The following GALNT17 variants were observed in gnomAD, a reference collection of about 807,000 sequenced individuals.
GALNT17 encodes polypeptide N-acetylgalactosaminyltransferase 17.
In GALNT17, 29 loss-of-function variants were observed where a neutral mutation model predicts 63.7. The observed-to-expected ratio is 0.46, with a 90% CI of 0.34 to 0.62. The LOEUF (loss-of-function observed/expected upper bound fraction) is 0.62, where lower values mean the gene tolerates loss of function less well. Among genes scored for constraint, GALNT17 ranks in the 20% least tolerant of loss-of-function variants. The pLI, the probability that GALNT17 is intolerant of heterozygous loss-of-function variation, is 0.01. For missense variants in GALNT17, 603 were observed against 799.6 expected, an observed-to-expected ratio of 0.75 and a Z score of 2.97; for synonymous variants, 305 against 318.3, an observed-to-expected ratio of 0.96 and a Z score of 0.45.
intron 6 of GALNT17, among the ~76,000 whole-genome samples, chr7:71,624,611 G>A (rs961245827): frequency 1.3e-5 from 2 of 152,170 alleles, no homozygotes; most frequent in African/African-American, 4.8e-5. Context: ...TGTTAAAAAT[G>A]ATGGATGACC....
At chr7:71,381,387 T>C (rs542170452) in intron 2 of GALNT17, among the ~76,000 whole-genome samples, 1 of 152,238 alleles carries the variant, frequency 6.6e-6, no homozygotes, top group African/African-American at 2.4e-5. Context: ...GGAGGCACTA[T>C]CCCTTGCGGA....
intron 5 of GALNT17, among the ~76,000 whole-genome samples, chr7:71,425,174 G>A (rs922704927): frequency 1.3e-5 from 2 of 152,178 alleles, no homozygotes; most frequent in African/African-American, 2.4e-5. Flanking sequence ...TGCCCAAGGA[G>A]GCAGCTGTTC....
intron 1 of GALNT17, among the ~76,000 whole-genome samples, chr7:71,139,825 T>A (rs1283294605): frequency 1.4e-4 from 22 of 152,042 alleles, no homozygotes; most frequent in Admixed American, 1.4e-3. Flanking sequence ...AAACCCCGTC[T>A]CTACTAAAAA....
chr7:71,605,520 A>T (rs906715338), intron 6 of GALNT17, among the ~76,000 whole-genome samples: 1 of 149,940 alleles, frequency 6.7e-6, no homozygotes, highest in African/African-American at 2.5e-5. Context: ...CAGGAGGCGG[A>T]GGTTGCAGTG....
At chr7:71,504,800 G>T (rs902285447) in intron 5 of GALNT17, among the ~76,000 whole-genome samples, 13 of 152,082 alleles carry the variant, frequency 8.5e-5, no homozygotes, top group African/African-American at 2.9e-4. Flanking sequence ...CCTGAATTCT[G>T]CCCTCTCTCT....
At chr7:71,335,924 T>A (rs532570285) in intron 2 of GALNT17, among the ~76,000 whole-genome samples, 191 bp downstream of exon 2, 18 of 152,298 alleles carry the variant, frequency 1.2e-4, no homozygotes, top group African/African-American at 4.3e-4. Flanking sequence ...GTTCAGTTGT[T>A]ATCAAAGTGT....
intron 1 of GALNT17, among the ~76,000 whole-genome samples, chr7:71,189,197 A>T (rs974914251): frequency 1.3e-5 from 2 of 152,160 alleles, no homozygotes; most frequent in African/African-American, 4.8e-5. Flanking sequence ...TGATGGTTTT[A>T]TAAGGAGTTT....
intron 5 of GALNT17, among the ~76,000 whole-genome samples, chr7:71,552,647 G>C (rs749679106): frequency 2.6e-5 from 4 of 151,988 alleles, no homozygotes; most frequent in Non-Finnish European, 5.9e-5. Flanking sequence ...TCACCATGTT[G>C]TCCAGGCTGG....
intron 1 of GALNT17, among the ~76,000 whole-genome samples, chr7:71,255,144 A>G (rs192776808): frequency 3.3e-5 from 5 of 152,316 alleles, no homozygotes; most frequent in African/African-American, 1.2e-4. Flanking sequence ...TGGAGCTGAT[A>G]GGGTTTGGCT....
At chr7:71,150,046 C>A (rs1788101673) in intron 1 of GALNT17, among the ~76,000 whole-genome samples, 1 of 152,146 alleles carries the variant, frequency 6.6e-6, no homozygotes, top group South Asian at 2.1e-4. Context: ...TTCTCGGAAG[C>A]TGATACAAAT....
intron 5 of GALNT17, among the ~76,000 whole-genome samples, chr7:71,520,822 T>C (rs1788518371): frequency 6.6e-6 from 1 of 151,992 alleles, no homozygotes; most frequent in Admixed American, 6.6e-5. Context: ...ACGAGATGCA[T>C]AGACCCAGCA....
intron 1 of GALNT17, among the ~76,000 whole-genome samples, chr7:71,183,475 AAG>A (rs1035463555): frequency 1.3e-5 from 2 of 152,118 alleles, no homozygotes; most frequent in Admixed American, 6.6e-5. Context: ...TCCCACGTCA[AAG>A]AGTGTTCCTG....
At chr7:71,278,986 C>T (rs149947357) in intron 1 of GALNT17, among the ~76,000 whole-genome samples, 80 of 151,202 alleles carry the variant, frequency 5.3e-4, no homozygotes, top group African/African-American at 1.9e-3. Flanking sequence ...AGTGTATTAG[C>T]GCAATCTTGG....
intron 1 of GALNT17, among the ~76,000 whole-genome samples, chr7:71,174,061 C>A (rs1464252424): frequency 6.6e-6 from 1 of 152,108 alleles, no homozygotes; most frequent in Non-Finnish European, 1.5e-5. Context: ...TTCTTCAGTT[C>A]CCTGGCACAG....
At chr7:71,296,435 G>A (rs1027508329) in intron 1 of GALNT17, among the ~76,000 whole-genome samples, 1 of 151,876 alleles carries the variant, frequency 6.6e-6, no homozygotes, top group African/African-American at 2.4e-5. Flanking sequence ...CCAACATGGG[G>A]CCAACCCCGT....
At chr7:71,421,646 A>G (rs1786666994) in intron 5 of GALNT17, among the ~76,000 whole-genome samples, 3 of 152,054 alleles carry the variant, frequency 2.0e-5, no homozygotes, top group Admixed American at 2.0e-4. Context: ...CAGTTGCAGA[A>G]CTCAAATAGA....
At chr7:71,598,695 A>T (rs556753217) in intron 6 of GALNT17, among the ~76,000 whole-genome samples, 1 of 152,218 alleles carries the variant, frequency 6.6e-6, no homozygotes, top group South Asian at 2.1e-4. Flanking sequence ...TTCAATCGGC[A>T]TGCAAACATT....
chr7:71,596,874 T>G (rs896901941), intron 6 of GALNT17, among the ~76,000 whole-genome samples: 16 of 151,922 alleles, frequency 1.1e-4, no homozygotes, highest in African/African-American at 3.9e-4. Flanking sequence ...GGGTTGAGGC[T>G]TTGCCATCTG....
intron 6 of GALNT17, among the ~76,000 whole-genome samples, chr7:71,616,398 C>T (rs1293542976): frequency 6.6e-6 from 1 of 151,390 alleles, no homozygotes; most frequent in Non-Finnish European, 1.5e-5. Context: ...TCTTCCTTTC[C>T]AGCTGTGTGC....
Sources: allele counts gnomAD v4.1 joint callset (sites outside exome capture counted in the v4.1 genomes callset), GRCh38; gene constraint gnomAD v4.1.1; transcripts MANE v1.5; gene names NCBI Gene and HGNC (gene_info 2026-07-23, HGNC 2026-07-21).